Variants in ARL15 observed in about 807,000 individuals in gnomAD.
ARL15 encodes the protein ADP-ribosylation factor-like protein 15.
In ARL15, 19 loss-of-function variants were observed where a neutral mutation model predicts 25.2. That is an observed-to-expected ratio of 0.75 (90% confidence interval 0.53 to 1.10). The LOEUF is 1.10. Among genes scored for constraint, ARL15 ranks in the 50% least tolerant of loss-of-function variants. The pLI, the probability that ARL15 is intolerant of heterozygous loss-of-function variation, is 0.00. For missense variants in ARL15, 220 were observed against 246.0 expected (o/e 0.89, Z 0.71); for synonymous variants, 94 against 86.8 (o/e 1.08, Z -0.46).
chr5:54,056,196 G>T (rs908705144), intron 4 of ARL15, among the ~76,000 whole-genome samples: 2 of 152,090 alleles, frequency 1.3e-5, no homozygotes, highest in Admixed American at 6.5e-5. Flanking sequence ...TCTGAAACAT[G>T]GGGATAATAT....
intron 4 of ARL15, among the ~76,000 whole-genome samples, chr5:54,112,600 T>C (rs1752773889): frequency 6.6e-6 from 1 of 152,236 alleles, no homozygotes; most frequent in Admixed American, 6.5e-5. Context: ...ACAAGCTCTA[T>C]TGGCTGAGAC....
At chr5:54,144,577 T>G (rs962682833) in intron 3 of ARL15, among the ~76,000 whole-genome samples, 1 of 152,226 alleles carries the variant, frequency 6.6e-6, no homozygotes, top group Non-Finnish European at 1.5e-5. Flanking sequence ...TTTCTTCTCA[T>G]TTTTCATTTG....
intron 4 of ARL15, among the ~76,000 whole-genome samples, chr5:53,964,480 C>T (rs1425601246): frequency 2.0e-5 from 3 of 152,130 alleles, no homozygotes; most frequent in Non-Finnish European, 4.4e-5. Context: ...CTGCCTCAGC[C>T]TCCCTAGTAG....
intron 4 of ARL15, among the ~76,000 whole-genome samples, chr5:54,008,206 G>A (rs1749110263): frequency 6.6e-6 from 1 of 152,178 alleles, no homozygotes; most frequent in South Asian, 2.1e-4. Context: ...TAAGAGTGAG[G>A]AGAGATGAGT....
chr5:53,927,594 C>A (rs1746071574), intron 4 of ARL15, among the ~76,000 whole-genome samples: 1 of 152,182 alleles, frequency 6.6e-6, no homozygotes, highest in African/African-American at 2.4e-5. Context: ...CTCAGTGCAG[C>A]CCTGCAAGTA....
At chr5:54,035,712 G>A (rs1412002139) in intron 4 of ARL15, among the ~76,000 whole-genome samples, 2 of 152,130 alleles carry the variant, frequency 1.3e-5, no homozygotes, top group Non-Finnish European at 2.9e-5. Context: ...TTCCAATGCA[G>A]TGTCTATTTC....
At chr5:54,237,640 A>G (rs1756844908) in intron 1 of ARL15, among the ~76,000 whole-genome samples, 1 of 152,236 alleles carries the variant, frequency 6.6e-6, no homozygotes, top group Admixed American at 6.5e-5. Flanking sequence ...CATCAAGAAT[A>G]ACACAATCTG....
At chr5:54,295,106 G>A (rs1758433506) in intron 1 of ARL15, among the ~76,000 whole-genome samples, 1 of 152,152 alleles carries the variant, frequency 6.6e-6, no homozygotes, top group African/African-American at 2.4e-5. Context: ...TTATACTTGT[G>A]TTCTCTTACA....
chr5:54,307,839 G>T (rs532596973), intron 1 of ARL15: 1 of 152,066 alleles, frequency 6.6e-6, no homozygotes, highest in Non-Finnish European at 1.5e-5. Context: ...TGATTAAAAA[G>T]AAATGACACA....
intron 4 of ARL15, among the ~76,000 whole-genome samples, chr5:53,939,679 G>A (rs1017922554): frequency 6.6e-6 from 1 of 151,862 alleles, no homozygotes; most frequent in Admixed American, 6.6e-5. Flanking sequence ...TGGTTGCAGT[G>A]AGCCGAGATC....
At chr5:54,005,867 A>AC (rs1157076867) in intron 4 of ARL15, among the ~76,000 whole-genome samples, 88 of 135,364 alleles carry the variant, frequency 6.5e-4, no homozygotes, top group South Asian at 1.3e-3. Context: ...ATCTCAAAAA[A>AC]AAAAAACCAA....
intron 3 of ARL15, among the ~76,000 whole-genome samples, chr5:54,116,965 C>T (rs555222997): frequency 6.6e-6 from 1 of 152,272 alleles, no homozygotes; most frequent in Non-Finnish European, 1.5e-5. Flanking sequence ...TTAATGCCCA[C>T]ATACATTAAT....
At chr5:53,916,453 C>CAA (rs1745651853) in intron 4 of ARL15, among the ~76,000 whole-genome samples, 1 of 151,632 alleles carries the variant, frequency 6.6e-6, no homozygotes, top group Non-Finnish European at 1.5e-5. Flanking sequence ...CCCAGTGACA[C>CAA]AATTTACCTG....
intron 1 of ARL15, among the ~76,000 whole-genome samples, chr5:54,200,638 G>T (rs1243795535): frequency 6.6e-6 from 1 of 152,124 alleles, no homozygotes; most frequent in African/African-American, 2.4e-5. Context: ...CCCTAAAAGG[G>T]TTACCTGTAC....
chr5:54,223,944 T>A (rs1457977195), intron 1 of ARL15, among the ~76,000 whole-genome samples: 1 of 152,008 alleles, frequency 6.6e-6, no homozygotes, highest in Non-Finnish European at 1.5e-5. Context: ...GCACCTTGAA[T>A]GTTGGCTGCA....
In ARL15 at chr5:54,181,146, T is replaced by C. The variant is rs549411715; in HGVS notation, c.49-9218A>G. The stretch of plus-strand genomic sequence containing the variant: ...CAGCTATGCATAATTTCACATCTTC[T>C]CACATTGGAAATAGATCAGAGGAAT... On this transcript the variant is annotated intron_variant, in intron 1 of 4. Transcript: ENST00000504924. Among the ~76,000 whole-genome samples, 7 of 152,256 alleles carry C rather than the reference T, an allele frequency of 4.6e-5. No individual in the cohort carries two copies. In the South Asian group the frequency reaches 1.5e-3, roughly 32 times the overall value.
intron 1 of ARL15, among the ~76,000 whole-genome samples, chr5:54,248,684 C>G (rs924636858): frequency 1.3e-5 from 2 of 151,562 alleles, no homozygotes; most frequent in Non-Finnish European, 2.9e-5. Context: ...TTTTGTCTGG[C>G]TCATCAGAGC....
rs561895349 is a variant in ARL15, at chr5:54,304,366, T to C, written c.48+6066A>G. ...ACACTGGCACAGAGTAAGTGTTCAATAAATGTTAACTGATTTTGCCCTCCT... is the reference window on the plus strand; with the variant it reads ...ACACTGGCACAGAGTAAGTGTTCAACAAATGTTAACTGATTTTGCCCTCCT... On this transcript the variant is annotated intron_variant, in intron 1 of 4. Transcript: ENST00000504924. 5.3e-5 allele frequency among the ~76,000 whole-genome samples: 8 copies of C among 152,344 alleles called. No individual in the cohort carries two copies. The East Asian group carries it at 1.5e-3, about 29-fold the overall frequency.
intron 1 of ARL15, among the ~76,000 whole-genome samples, chr5:54,249,332 A>C (rs1233941612): frequency 6.6e-6 from 1 of 152,208 alleles, no homozygotes; most frequent in Non-Finnish European, 1.5e-5. Flanking sequence ...TAGAAAGTCC[A>C]TCAGTAAAGA....
Sources: gnomAD v4.1 joint callset for allele counts (sites outside exome capture counted in the v4.1 genomes callset) on GRCh38, gnomAD v4.1.1 for gene constraint, MANE v1.5 for transcripts, NCBI Gene and HGNC (gene_info 2026-07-23, HGNC 2026-07-21) for gene names.